ARID2: variants seen among roughly 807,000 people sequenced by gnomAD.
ARID2 encodes the protein AT-rich interactive domain-containing protein 2.
In ARID2, 32 loss-of-function variants were observed where a neutral mutation model predicts 184.6. The ratio of observed to expected loss-of-function variants is 0.17; its 90% CI spans 0.13 to 0.23. ARID2 has a LOEUF of 0.23. Among genes scored for constraint, ARID2 ranks in the 10% least tolerant of loss-of-function variants. ARID2 has a pLI of 1.00. For missense variants in ARID2, 1,696 were observed against 2,197.6 expected (o/e 0.77, Z 4.56); for synonymous variants, 836 against 772.6 (o/e 1.08, Z -1.36).
rs772817994 is a variant in ARID2, at chr12:45,893,495, T to A, written c.5223T>A (p.Leu1741=). The A allele has an allele frequency of 6.2e-7, 1 of 1,614,068 alleles. No individual in the cohort carries two copies. The highest frequency in any genetic ancestry group is 8.5e-7 in the Non-Finnish European group (1 of 1,179,942). ...KAIVNHPSAA[L]MALRRGSRNL... is the part of the protein sequence containing the mutation. The stretch of plus-strand genomic sequence containing the variant: ...TTGTGAATCATCCCAGTGCTGCACT[T>A]ATGGCTCTGAGGAGAGGATCAAGAA... Residue 1741 remains leucine (L), a synonymous_variant, in exon 19 of 21, where the codon CTT becomes CTA. Transcript: ENST00000334344.
Position 45,850,093 on chromosome 12 carries a change from A to T in ARID2, c.1970A>T (p.Asn657Ile), listed in dbSNP as rs746164328. Residue 657 changes from asparagine to isoleucine, a missense_variant, in exon 15 of 21, where the codon AAC (asparagine) becomes ATC (isoleucine). Physicochemically the swap from Asn to Ile is moderately radical, Grantham distance 149. Coordinates refer to ENST00000334344, the MANE Select transcript of ARID2 (RefSeq NM_152641.4). The stretch of plus-strand genomic sequence containing the variant: ...CATTTTCAGAGGACTCCTGTTGCCA[A>T]CCAATCTTCAAATCTGACTGCAACA... ...GNHFQRTPVA[N>I]QSSNLTATQM... The T allele has an allele frequency of 1.4e-5, 22 of 1,614,048 alleles. No homozygotes were observed. The highest frequency in any genetic ancestry group is 1.8e-5 in the Non-Finnish European group (21 of 1,179,946).
intron 3 of ARID2, among the ~76,000 whole-genome samples, chr12:45,771,035 C>G (rs1241171148): frequency 6.6e-6 from 1 of 152,036 alleles, no homozygotes; most frequent in Admixed American, 6.6e-5. Flanking sequence ...GCCGGCGATC[C>G]CACATAGTAA....
chr12:45,810,703 CTGT>C (rs1175843918), intron 3 of ARID2, among the ~76,000 whole-genome samples: 2 of 151,944 alleles, frequency 1.3e-5, no homozygotes, highest in East Asian at 1.9e-4. Context: ...GCACATGAAC[CTGT>C]TGTTATTGCT....
intron 5 of ARID2, 150 bp from the exon 6 acceptor site, chr12:45,821,270 T>C: frequency 2.4e-6 from 1 of 417,732 alleles, no homozygotes. Flanking sequence ...AAAGAAATTA[T>C]CATGACTATC....
intron 20 of ARID2, among the ~76,000 whole-genome samples, chr12:45,902,853 T>C (rs1428472522): frequency 2.6e-5 from 4 of 152,236 alleles, no homozygotes; most frequent in Non-Finnish European, 5.9e-5. Context: ...AATTTTTCTT[T>C]TCCAGAAAGA....
At chr12:45,811,974 C>G (rs1382849226) in intron 4 of ARID2, among the ~76,000 whole-genome samples, 1 of 151,674 alleles carries the variant, frequency 6.6e-6, no homozygotes, top group Non-Finnish European at 1.5e-5. Flanking sequence ...ATTTTCCTGC[C>G]ATGGTAGCAG....
At position 45,831,036 on chromosome 12, in the gene ARID2, C is replaced by T. The variant is rs531354468; in HGVS notation, c.706-5553C>T. 2.0e-5 allele frequency among the ~76,000 whole-genome samples: 3 copies of T among 147,856 alleles called. No homozygotes were observed. The South Asian group carries it at 6.4e-4, about 31-fold the overall frequency. On this transcript the variant is annotated intron_variant, in intron 6 of 20. Transcript: ENST00000334344. ...TCATGCCACTAGTGACAGAACGAGA[C>T]TCTGTCAAAAAAAAAAAAAAAGGCA...
At chr12:45,861,580 CTTTTTT>C (rs11303020) in intron 16 of ARID2, among the ~76,000 whole-genome samples, 6 of 97,006 alleles carry the variant, frequency 6.2e-5, no homozygotes, top group African/African-American at 2.7e-4. Flanking sequence ...AGGCATTTGT[CTTTTTT>C]TTTTTTTTTT....
intron 18 of ARID2, 78 bp from the exon 19 acceptor site, chr12:45,893,340 TTG>T: frequency 6.7e-7 from 1 of 1,491,160 alleles, no homozygotes; most frequent in Non-Finnish European, 9.0e-7. Context: ...CTTAAAGGGG[TTG>T]GCAGGGTGGT....
intron 3 of ARID2, among the ~76,000 whole-genome samples, chr12:45,797,620 A>G (rs1482235145): frequency 6.6e-6 from 1 of 152,150 alleles, no homozygotes; most frequent in Admixed American, 6.5e-5. Context: ...TTGCTCTTTA[A>G]TATTATAAAT....
At position 45,809,675 on chromosome 12, in the gene ARID2, T is replaced by C. The variant is rs780361270; in HGVS notation, c.285-1743T>C. ...TTATCTACAACCATAAAGAAAAATA[T>C]TGGATTCATTATCTATCAAGCTACC... On this transcript the variant is annotated intron_variant, in intron 3 of 20. Coordinates refer to ENST00000334344, the MANE Select transcript of ARID2 (RefSeq NM_152641.4). Among the ~76,000 whole-genome samples, 4 of 152,290 alleles carry C rather than the reference T, an allele frequency of 2.6e-5. No individual in the cohort carries two copies. In the South Asian group the frequency reaches 6.2e-4, roughly 24 times the overall value.
chr12:45,895,344 G>A (rs1480827467), intron 20 of ARID2, among the ~76,000 whole-genome samples: 2 of 152,130 alleles, frequency 1.3e-5, no homozygotes, highest in Non-Finnish European at 2.9e-5. Context: ...CTGACCTGGA[G>A]CACAGTACAT....
chr12:45,886,304 G>A (rs2138224108), intron 16 of ARID2, among the ~76,000 whole-genome samples: 1 of 152,306 alleles, frequency 6.6e-6, no homozygotes, highest in South Asian at 2.1e-4. Flanking sequence ...TTCACACCCT[G>A]GTCACGCTGA....
chr12:45,857,116 T>C (rs951794827), intron 15 of ARID2, among the ~76,000 whole-genome samples: 2 of 152,224 alleles, frequency 1.3e-5, no homozygotes, highest in Admixed American at 6.5e-5. Context: ...GTTAGTTATC[T>C]GTTAATCCCA....
At chr12:45,793,214 C>T (rs896947638) in intron 3 of ARID2, among the ~76,000 whole-genome samples, 6 of 151,898 alleles carry the variant, frequency 4.0e-5, no homozygotes, top group South Asian at 2.1e-4. Flanking sequence ...ACAAGAGAAC[C>T]GCTTGAACCC....
At chr12:45,849,450 A>T in intron 13 of ARID2, 130 bp from the exon 14 acceptor site, 3 of 589,892 alleles carry the variant, frequency 5.1e-6, no homozygotes, top group Non-Finnish European at 8.4e-6. Context: ...ATCCTTGCAG[A>T]ATATAACTGT....
chr12:45,792,939 G>A (rs1942319780), intron 3 of ARID2, among the ~76,000 whole-genome samples: 2 of 152,052 alleles, frequency 1.3e-5, no homozygotes, highest in South Asian at 4.1e-4. Flanking sequence ...TGTAATTGGA[G>A]GATCTTTTTA....
chr12:45,762,973 C>T (rs186009833), intron 3 of ARID2, among the ~76,000 whole-genome samples: 3 of 152,136 alleles, frequency 2.0e-5, no homozygotes, highest in Non-Finnish European at 4.4e-5. Context: ...GTATTGTGAT[C>T]TATAACAGCT....
At chr12:45,898,685 G>GC (rs922368531) in intron 20 of ARID2, among the ~76,000 whole-genome samples, 49 of 152,324 alleles carry the variant, frequency 3.2e-4, no homozygotes, top group African/African-American at 1.2e-3. Context: ...GGAGGCTGAG[G>GC]CGGGCGGATC....
Sources: allele counts gnomAD v4.1 joint callset (sites outside exome capture counted in the v4.1 genomes callset), GRCh38; gene constraint gnomAD v4.1.1; transcripts MANE v1.5; gene names NCBI Gene and HGNC (gene_info 2026-07-23, HGNC 2026-07-21).